The following PTP4A2 variants were observed in gnomAD, a reference collection of about 807,000 sequenced individuals.
The protein encoded by PTP4A2 is protein tyrosine phosphatase 4A2.
Under a neutral mutation model 22.9 loss-of-function variants are expected in PTP4A2, and 2 were observed. That is an observed-to-expected ratio of 0.09 (90% confidence interval 0.04 to 0.27). PTP4A2 has a LOEUF of 0.27. PTP4A2 is among the 10% of genes least tolerant of loss of function. The probability of loss-of-function intolerance (pLI) is 1.00; values close to 1 mark genes in which losing one functional copy is unlikely to be tolerated. For synonymous variants in PTP4A2, 68 were observed against 69.1 expected (o/e 0.98, Z 0.08); for missense variants, 103 against 205.1 (o/e 0.50, Z 3.04).
Position 31,906,738 on chromosome 1 carries a change from A to G in PTP4A2, c.*2114T>C, listed in dbSNP as rs1340286630. 2.8e-5 allele frequency: 3 copies of G among 107,424 alleles called. No individual in the cohort carries two copies. The highest frequency in any genetic ancestry group is 1.1e-4 in the African/African-American group (3 of 27,210). The allele number at this position is 107,424 out of a possible 1,614,324, so 6.7% of individuals were successfully genotyped here. A position where few individuals can be genotyped will look rare whatever the true frequency, so the allele number is the denominator to read the frequency against. On this transcript the variant is annotated 3_prime_UTR_variant, in exon 6 of 6. Transcript: ENST00000647444. The stretch of plus-strand genomic sequence containing the variant: ...TGATACTGATGGACACTGCGCGTGC[A>G]CACACACACACACACATACACACAC...
intron 1 of PTP4A2, among the ~76,000 whole-genome samples, chr1:31,936,669 C>G (rs1652946581): frequency 6.6e-6 from 1 of 152,288 alleles, no homozygotes; most frequent in East Asian, 1.9e-4. Context: ...CATTATGAAA[C>G]TTAAAAATGC....
Position 31,908,507 on chromosome 1 carries a change from A to C in PTP4A2, c.*345T>G, listed in dbSNP as rs901817452. 5.4e-6 allele frequency: 1 copy of C among 183,798 alleles called. No homozygotes were observed. The highest frequency in any genetic ancestry group is 1.1e-5 in the Non-Finnish European group (1 of 88,096). 11.4% of individuals were successfully genotyped at this position (183,798 alleles called of 1,614,324 possible). A position where few individuals can be genotyped will look rare whatever the true frequency, so the allele number is the denominator to read the frequency against. ...CAAACAGATGGTTTTGCACAGGCTA[A>C]TGTTCTGCTGGTTTTCCTTAGAGAC... On this transcript the variant is annotated 3_prime_UTR_variant, in exon 6 of 6. Coordinates refer to ENST00000647444, the MANE Select transcript of PTP4A2 (RefSeq NM_080391.4).
At chr1:31,937,173 ATTGACAAAT>A (rs1392760637) in intron 1 of PTP4A2, among the ~76,000 whole-genome samples, 1 of 152,176 alleles carries the variant, frequency 6.6e-6, no homozygotes, top group Non-Finnish European at 1.5e-5. Flanking sequence ...GGATGGCATC[ATTGACAAAT>A]TTGAAAATTT....
chr1:31,921,934 A>C (rs1652176253), intron 1 of PTP4A2: 1 of 152,232 alleles, frequency 6.6e-6, no homozygotes, highest in Non-Finnish European at 1.5e-5. Flanking sequence ...ACACAAATGA[A>C]ATTCAAAATG....
intron 1 of PTP4A2, among the ~76,000 whole-genome samples, chr1:31,926,584 C>T (rs1652475644): frequency 1.3e-5 from 2 of 152,096 alleles, no homozygotes; most frequent in South Asian, 4.1e-4. Flanking sequence ...TATAAAAAAT[C>T]TAATCTGTCA....
intron 1 of PTP4A2, among the ~76,000 whole-genome samples, chr1:31,922,766 C>A (rs949106381): frequency 6.6e-6 from 1 of 151,798 alleles, no homozygotes; most frequent in Non-Finnish European, 1.5e-5. Flanking sequence ...GAGCTGGGAA[C>A]ACAGGTGCAC....
At chr1:31,925,866 G>A (rs934473383) in intron 1 of PTP4A2, among the ~76,000 whole-genome samples, 1 of 150,846 alleles carries the variant, frequency 6.6e-6, no homozygotes, top group African/African-American at 2.4e-5. Flanking sequence ...CTATCAATTG[G>A]CGGGCACAGT....
intron 1 of PTP4A2, among the ~76,000 whole-genome samples, chr1:31,930,134 C>G (rs1007098120): frequency 6.6e-6 from 1 of 152,044 alleles, no homozygotes; most frequent in Non-Finnish European, 1.5e-5. Flanking sequence ...GTCAGCAGAT[C>G]GAGACCATCC....
At chr1:31,916,442 T>A (rs1651852428) in intron 2 of PTP4A2, among the ~76,000 whole-genome samples, 1 of 149,740 alleles carries the variant, frequency 6.7e-6, no homozygotes, top group African/African-American at 2.4e-5. Context: ...GTTCTCACTG[T>A]GGTTATATAT....
chr1:31,908,135 TTATATTATATATATATATATATATATATA>T lies in PTP4A2; in HGVS notation c.*688_*716del, dbSNP rs1651295618. On this transcript the variant is annotated 3_prime_UTR_variant, in exon 6 of 6. Coordinates refer to ENST00000647444, the MANE Select transcript of PTP4A2 (RefSeq NM_080391.4). The stretch of plus-strand genomic sequence containing the variant: ...GAAAATATATATATATATATATATA[TTATATTATATATATATATATATATATATA>T]TATATATATATATATATATATATAT... 5.6e-3 allele frequency: 22 copies of T among 3,960 alleles called. 3 individuals carry two copies. Among genetic ancestry groups the T allele is most frequent in the East Asian group, 0.014 (2 of 144 alleles). 0.2% of individuals were successfully genotyped at this position (3,960 alleles called of 1,614,324 possible).
chr1:31,935,453 A>T (rs1652893344), intron 1 of PTP4A2: 1 of 152,242 alleles, frequency 6.6e-6, no homozygotes, highest in African/African-American at 2.4e-5. Context: ...CACGTTGATG[A>T]GAAACCTCAA....
Position 31,919,120 on chromosome 1 carries a change from A to G in PTP4A2, c.-55T>C. 1.2e-6 allele frequency: 1 copy of G among 851,992 alleles called. No individual in the cohort carries two copies. The highest frequency in any genetic ancestry group is 1.9e-6 in the Non-Finnish European group (1 of 513,960). The allele number at this position is 851,992 out of a possible 1,614,324, so 52.8% of individuals were successfully genotyped here. On this transcript the variant is annotated 5_prime_UTR_variant, in exon 2 of 6. Coordinates refer to ENST00000647444, the MANE Select transcript of PTP4A2 (RefSeq NM_080391.4). Reference sequence around the variant, plus strand: ...GTGAGTGTGATGGGGAAAGTGAAAAAAAAAAATCAATAAATCTTGAAATGT... The same window carrying G: ...GTGAGTGTGATGGGGAAAGTGAAAAGAAAAAATCAATAAATCTTGAAATGT...
At chr1:31,911,623 A>C in intron 4 of PTP4A2, 73 bp downstream of exon 4, 1 of 1,388,046 alleles carries the variant, frequency 7.2e-7, no homozygotes, top group African/African-American at 1.5e-5. Context: ...AATGTCTACC[A>C]AAGTGAAACT....
intron 1 of PTP4A2, among the ~76,000 whole-genome samples, chr1:31,929,502 C>T (rs957678694): frequency 6.6e-6 from 1 of 152,010 alleles, no homozygotes; most frequent in African/African-American, 2.4e-5. Flanking sequence ...TTTAAGACTC[C>T]CAAGCCCCTT....
chr1:31,908,843 C>T lies in PTP4A2; in HGVS notation c.*9G>A, dbSNP rs777242223. On this transcript the variant is annotated 3_prime_UTR_variant, in exon 6 of 6. Transcript: ENST00000647444. Reference sequence around the variant, plus strand: ...GCACAATCAAGTCAGCCTTCGTTTACATTTCCTTCTACTGAACACAGCAAT... The same window carrying T: ...GCACAATCAAGTCAGCCTTCGTTTATATTTCCTTCTACTGAACACAGCAAT... 6.3e-7 allele frequency: 1 copy of T among 1,597,680 alleles called. No individual in the cohort carries two copies. Among genetic ancestry groups the T allele is most frequent in the South Asian group, 1.1e-5 (1 of 89,844 alleles).
At chr1:31,935,058 T>C (rs1652875438) in intron 1 of PTP4A2, among the ~76,000 whole-genome samples, 1 of 152,238 alleles carries the variant, frequency 6.6e-6, no homozygotes, top group African/African-American at 2.4e-5. Flanking sequence ...AACAAAGTGC[T>C]TTCACGTGTA....
intron 1 of PTP4A2, chr1:31,924,047 T>C (rs1027940334): frequency 6.6e-5 from 10 of 152,218 alleles, no homozygotes; most frequent in African/African-American, 2.4e-4. Context: ...TCAATGACGT[T>C]ATCACTGCAA....
intron 1 of PTP4A2, among the ~76,000 whole-genome samples, chr1:31,936,861 G>GC (rs1474385995): frequency 6.6e-6 from 1 of 152,142 alleles, no homozygotes; most frequent in Non-Finnish European, 1.5e-5. Context: ...GAGCATGACA[G>GC]CAAGTACCAT....
At chr1:31,923,274 A>G (rs1652279887) in intron 1 of PTP4A2, among the ~76,000 whole-genome samples, 1 of 149,560 alleles carries the variant, frequency 6.7e-6, no homozygotes. Context: ...TGGTGCAATC[A>G]TAGCTCACGG....
Sources: allele counts gnomAD v4.1 joint callset (sites outside exome capture counted in the v4.1 genomes callset), GRCh38; gene constraint gnomAD v4.1.1; transcripts MANE v1.5; gene names NCBI Gene and HGNC (gene_info 2026-07-23, HGNC 2026-07-21).